GASK1B: variants seen among roughly 807,000 people sequenced by gnomAD.
The protein encoded by GASK1B is golgi associated kinase 1B, also known as Golgi-associated kinase 1B.
In GASK1B, 34 loss-of-function variants were observed where a neutral mutation model predicts 42.8. The ratio of observed to expected loss-of-function variants is 0.79; its 90% confidence interval spans 0.60 to 1.06. The LOEUF is 1.06. Among genes scored for constraint, GASK1B ranks in the 50% least tolerant of loss-of-function variants. The pLI, the probability that GASK1B is intolerant of heterozygous loss-of-function variation, is 0.00. For synonymous variants in GASK1B, 262 were observed against 259.1 expected, an observed-to-expected ratio of 1.01 and a Z score of -0.11; for missense variants, 686 against 661.0, an observed-to-expected ratio of 1.04 and a Z score of -0.42.
At chr4:158,169,193 C>G (rs1394470173) in intron 2 of GASK1B, 1 of 152,138 alleles carries the variant, frequency 6.6e-6, no homozygotes, top group Non-Finnish European at 1.5e-5. Context: ...TTGTATAATC[C>G]TTAGCAAATT....
Position 158,165,353 on chromosome 4 carries a change from G to A in GASK1B, c.910+5113C>T, listed in dbSNP as rs565422955. Among the ~76,000 whole-genome samples, 25 of 151,970 alleles carry A rather than the reference G, an allele frequency of 1.6e-4. No individual in the cohort carries two copies. In the South Asian group the frequency reaches 2.3e-3, roughly 14 times the overall value. Reference sequence around the variant, plus strand: ...GGATATTTTCACTTTTTAAATTATCGAAATGTATCAGGACCACACAGTATC... The same window carrying A: ...GGATATTTTCACTTTTTAAATTATCAAAATGTATCAGGACCACACAGTATC... On this transcript the variant is annotated intron_variant, in intron 2 of 4. Transcript: ENST00000585682.
intron 3 of GASK1B, 64 bp downstream of exon 3, chr4:158,155,547 G>C: frequency 7.5e-7 from 1 of 1,326,640 alleles, no homozygotes; most frequent in East Asian, 2.3e-5. Flanking sequence ...ACATTCCTTA[G>C]TGTCAGGCTA....
chr4:158,167,895 G>C (rs1732288424), intron 2 of GASK1B, among the ~76,000 whole-genome samples: 2 of 152,136 alleles, frequency 1.3e-5, no homozygotes, highest in Admixed American at 1.3e-4. Flanking sequence ...GGAAATCAGG[G>C]AAGAAAGACA....
intron 2 of GASK1B, 138 bp from the exon 3 acceptor site, chr4:158,155,963 T>G (rs1731744178): frequency 5.9e-6 from 4 of 677,966 alleles, no homozygotes; most frequent in Non-Finnish European, 1.0e-5. Flanking sequence ...TTTTATGATC[T>G]CTTTGTCTTC....
rs80255517 is a variant in GASK1B at position 158,132,031 on chromosome 4, T to C, written c.1126-1019A>G. The stretch of plus-strand genomic sequence containing the variant: ...CAAAGTTATTTATCTCAAAACAAGC[T>C]TCTAAGACAAAGAGTAATTTATCCA... On this transcript the variant is annotated intron_variant, in intron 3 of 4. Transcript: ENST00000585682. Among the ~76,000 whole-genome samples the C allele has an allele frequency of 9.0e-3, 1,374 of 152,302 alleles. 19 individuals are homozygous for C. Among genetic ancestry groups the C allele is most frequent in the African/African-American group, 0.03 (1,260 of 41,556 alleles).
rs138635293 is a variant in GASK1B, at chr4:158,157,535, A to T, written c.911-1710T>A. ...ATAACCAAATACAAATAGAAAACAC[A>T]CACACAGCCTCCAAACGTGTGTACT... On this transcript the variant is annotated intron_variant, in intron 2 of 4. Coordinates refer to ENST00000585682, the MANE Select transcript of GASK1B (RefSeq NM_001128424.2). Among the ~76,000 whole-genome samples, 553 of 152,288 alleles carry T rather than the reference A, an allele frequency of 3.6e-3. 3 individuals are homozygous for T. The highest frequency in any genetic ancestry group is 0.013 in the African/African-American group (526 of 41,572).
chr4:158,127,188 A>G lies in GASK1B; in HGVS notation c.*219T>C, dbSNP rs2110917110. The G allele has an allele frequency of 2.6e-6, 1 of 391,752 alleles. No homozygotes were observed. Among genetic ancestry groups the G allele is most frequent in the South Asian group, 5.4e-5 (1 of 18,468 alleles). 24.3% of individuals were successfully genotyped at this position (391,752 alleles called of 1,614,324 possible). A position where few individuals can be genotyped will look rare whatever the true frequency, so the allele number is the denominator to read the frequency against. ...ACACATAGCATGATGTTAGAGAAAA[A>G]TATAAACAAATATTTCTCAAGTAGT... On this transcript the variant is annotated 3_prime_UTR_variant, in exon 5 of 5. Coordinates refer to ENST00000585682, the MANE Select transcript of GASK1B (RefSeq NM_001128424.2).
At chr4:158,166,225 C>T (rs2346321) in intron 2 of GASK1B, among the ~76,000 whole-genome samples, 117,604 of 152,074 alleles carry the variant, frequency 0.77, 46,757 homozygotes, top group East Asian at 0.95. Context: ...AGTACAATAC[C>T]AGTAAGTCCA....
At position 158,127,311 on chromosome 4, in the gene GASK1B, T is replaced by A; in HGVS notation, c.*96A>T. The A allele has an allele frequency of 1.0e-6, 1 of 981,476 alleles. No homozygotes were observed. Among genetic ancestry groups the A allele is most frequent in the Non-Finnish European group, 1.6e-6 (1 of 640,882 alleles). 60.8% of individuals were successfully genotyped at this position (981,476 alleles called of 1,614,324 possible). On this transcript the variant is annotated 3_prime_UTR_variant, in exon 5 of 5. Transcript: ENST00000585682. ...ATTTTACGTATTCATCTACACTGCC[T>A]CATTGCTAAACGGGCTTGAGGTTGA... is the stretch of plus-strand genomic sequence containing the variant.
chr4:158,168,019 T>C (rs190243912), intron 2 of GASK1B, among the ~76,000 whole-genome samples: 132 of 152,334 alleles, frequency 8.7e-4, no homozygotes, highest in Middle Eastern at 3.4e-3. Flanking sequence ...TGTAACAGTC[T>C]GCTTGAGTAG....
chr4:158,143,675 C>G (rs944786143), intron 3 of GASK1B, among the ~76,000 whole-genome samples: 4 of 152,084 alleles, frequency 2.6e-5, no homozygotes, highest in Admixed American at 2.6e-4. Context: ...AATCTCAAAC[C>G]TGGCATATTT....
At chr4:158,171,928 G>C (rs1370184150) in intron 1 of GASK1B, among the ~76,000 whole-genome samples, 1 of 152,104 alleles carries the variant, frequency 6.6e-6, no homozygotes, top group Admixed American at 6.5e-5. Flanking sequence ...ACAAGTAATA[G>C]ATAATTTTTT....
chr4:158,138,738 C>T (rs952843025), intron 3 of GASK1B, among the ~76,000 whole-genome samples: 33 of 151,870 alleles, frequency 2.2e-4, no homozygotes, highest in African/African-American at 8.0e-4. Context: ...GTTAACAGAA[C>T]CTAATGTAGC....
intron 3 of GASK1B, among the ~76,000 whole-genome samples, chr4:158,132,103 C>G (rs1730706945): frequency 6.6e-6 from 1 of 151,946 alleles, no homozygotes; most frequent in African/African-American, 2.4e-5. Flanking sequence ...AGTAACCTGC[C>G]CTGGGTAGAA....
chr4:158,131,226 A>G (rs528318210), intron 3 of GASK1B, among the ~76,000 whole-genome samples: 1 of 152,364 alleles, frequency 6.6e-6, no homozygotes, highest in East Asian at 1.9e-4. Flanking sequence ...TTCTGCTAAT[A>G]GATCCAAAGT....
chr4:158,163,339 G>A (rs1179041205), intron 2 of GASK1B, among the ~76,000 whole-genome samples: 2 of 152,194 alleles, frequency 1.3e-5, no homozygotes, highest in African/African-American at 4.8e-5. Flanking sequence ...GGGAAACCAA[G>A]GCAGGTGGAT....
At chr4:158,149,204 C>T (rs1380750363) in intron 3 of GASK1B, among the ~76,000 whole-genome samples, 1 of 152,064 alleles carries the variant, frequency 6.6e-6, no homozygotes. Flanking sequence ...AAAATTAGAC[C>T]TTATATTATG....
chr4:158,158,667 C>G (rs1037513802), intron 2 of GASK1B, among the ~76,000 whole-genome samples: 9 of 151,854 alleles, frequency 5.9e-5, no homozygotes, highest in African/African-American at 2.2e-4. Flanking sequence ...GTTTTGAGGG[C>G]CTAAAATATC....
At chr4:158,172,748 T>C (rs1732611888) in intron 1 of GASK1B, 120 bp downstream of exon 1, 1 of 152,132 alleles carries the variant, frequency 6.6e-6, no homozygotes, top group Non-Finnish European at 1.5e-5. Flanking sequence ...ATGTTTGCTA[T>C]CTTGGTGGAG....
Sources: allele counts gnomAD v4.1 joint callset (sites outside exome capture counted in the v4.1 genomes callset), GRCh38; gene constraint gnomAD v4.1.1; transcripts MANE v1.5; gene names NCBI Gene and HGNC (gene_info 2026-07-23, HGNC 2026-07-21).